The following PTPRT variants were observed in gnomAD, a reference collection of about 807,000 sequenced individuals.
PTPRT encodes protein tyrosine phosphatase receptor type T.
A neutral mutation model predicts 176.8 loss-of-function variants in PTPRT; 56 were observed. The observed-to-expected ratio is 0.32, with a 90% CI of 0.26 to 0.40. The LOEUF is 0.40. Ranked by LOEUF, PTPRT falls within the 10% of genes least tolerant of loss-of-function variation. PTPRT has a pLI of 1.00. For synonymous variants in PTPRT, 783 were observed against 739.0 expected, an observed-to-expected ratio of 1.06 and a Z score of -0.96; for missense variants, 1,540 against 1,908.2, an observed-to-expected ratio of 0.81 and a Z score of 3.60.
chr20:43,050,573 T>C (rs1243675710), intron 1 of PTPRT, among the ~76,000 whole-genome samples: 1 of 152,208 alleles, frequency 6.6e-6, no homozygotes, highest in East Asian at 1.9e-4. Context: ...AGGAAACCAG[T>C]AATGGCCTAA....
At chr20:42,542,679 T>A (rs1481375083) in intron 7 of PTPRT, among the ~76,000 whole-genome samples, 2 of 152,208 alleles carry the variant, frequency 1.3e-5, no homozygotes, top group Non-Finnish European at 2.9e-5. Context: ...TTTTTCCTAC[T>A]AATATACTCA....
chr20:42,350,714 C>G lies in PTPRT; in HGVS notation c.1779G>C (p.Glu593Asp). 1 of 1,612,952 alleles carries G rather than the reference C, an allele frequency of 6.2e-7. No homozygotes were observed. Among genetic ancestry groups the G allele is most frequent in the Non-Finnish European group, 8.5e-7 (1 of 1,178,972 alleles). Residue 593 changes from glutamate (E) to aspartate (D), a missense_variant, in exon 11 of 31, where the codon GAG (glutamate) becomes GAC (aspartate). Around this residue, in one of 11 missense-constraint regions of PTPRT, gnomAD observed 136 missense variants for 135.0 expected, o/e 1.01. Coordinates refer to ENST00000373187, the MANE Select transcript of PTPRT (RefSeq NM_007050.6). ...CATTCAATGGGGTGTCTGTGTCGTA[C>G]TCAGGCATGGATGGAGCTGGACAGG... is the stretch of plus-strand genomic sequence containing the variant. ...ATKISAPSMP[E>D]YDTDTPLNET...
At chr20:42,506,048 C>A (rs1245976076) in intron 7 of PTPRT, among the ~76,000 whole-genome samples, 1 of 152,228 alleles carries the variant, frequency 6.6e-6, no homozygotes, top group East Asian at 1.9e-4. Context: ...AAGCCATTAA[C>A]TCAGGGTTAC....
In PTPRT at chr20:42,252,604, G is replaced by A. The variant is rs530343235; in HGVS notation, c.2177-3782C>T. On this transcript the variant is annotated intron_variant, in intron 13 of 30. Transcript: ENST00000373187. ...GAGGGCATGATCAACTATGCCAAAG[G>A]CTGTTCCCAGGGTAGAATCAAGTCC... Among the ~76,000 whole-genome samples, 10 of 152,300 alleles carry A rather than the reference G, an allele frequency of 6.6e-5. No homozygotes were observed. The South Asian group carries it at 1.0e-3, about 16-fold the overall frequency.
At chr20:42,050,895 G>T in the PTPRT span, among the ~76,000 whole-genome samples, 1 of 152,168 alleles carries the variant, frequency 6.6e-6, no homozygotes, top group Admixed American at 6.5e-5. Context: ...CAGGAGCTGT[G>T]GGTTATCCAA....
At chr20:43,057,072 G>A (rs1184974517) in intron 1 of PTPRT, among the ~76,000 whole-genome samples, 1 of 151,712 alleles carries the variant, frequency 6.6e-6, no homozygotes, top group Non-Finnish European at 1.5e-5. Flanking sequence ...TTCTTGACAT[G>A]ACAAAATTGT....
intron 1 of PTPRT, among the ~76,000 whole-genome samples, chr20:43,154,711 C>G (rs888214896): frequency 3.3e-5 from 5 of 151,948 alleles, no homozygotes; most frequent in African/African-American, 1.2e-4. Flanking sequence ...GGAATTGCAT[C>G]GAACTAAAAA....
intron 17 of PTPRT, among the ~76,000 whole-genome samples, chr20:42,153,039 A>G (rs1276474145): frequency 3.3e-5 from 5 of 152,078 alleles, no homozygotes; most frequent in Admixed American, 6.5e-5. Context: ...ATCTTCTTCT[A>G]CTTTTCTCTA....
At chr20:42,516,104 T>C (rs2072061138) in intron 7 of PTPRT, among the ~76,000 whole-genome samples, 1 of 84,424 alleles carries the variant, frequency 1.2e-5, no homozygotes, top group Non-Finnish European at 2.2e-5. Flanking sequence ...GGGACTGTTG[T>C]GGGGTGGGGG....
At chr20:42,561,002 G>A (rs926597638) in intron 7 of PTPRT, among the ~76,000 whole-genome samples, 2 of 152,162 alleles carry the variant, frequency 1.3e-5, no homozygotes, top group African/African-American at 4.8e-5. Context: ...GGGAACAGAA[G>A]GTCTAGGAGG....
intron 12 of PTPRT, among the ~76,000 whole-genome samples, chr20:42,314,785 T>C (rs1386091206): frequency 6.6e-6 from 1 of 152,102 alleles, no homozygotes; most frequent in Non-Finnish European, 1.5e-5. Flanking sequence ...GAACAATGGA[T>C]AGAAACTTCA....
chr20:42,916,009 A>C (rs747071562), intron 1 of PTPRT, among the ~76,000 whole-genome samples: 41 of 151,960 alleles, frequency 2.7e-4, no homozygotes, highest in Non-Finnish European at 4.4e-4. Flanking sequence ...ACAGGTGCAC[A>C]ATGTGCAGGT....
chr20:42,915,796 G>T (rs1376900734), intron 1 of PTPRT, among the ~76,000 whole-genome samples: 1 of 150,862 alleles, frequency 6.6e-6, no homozygotes, highest in East Asian at 1.9e-4. Context: ...ACAGGGTTTT[G>T]CCATGTTGCC....
At chr20:42,934,694 T>C (rs1332347527) in intron 1 of PTPRT, among the ~76,000 whole-genome samples, 1 of 152,098 alleles carries the variant, frequency 6.6e-6, no homozygotes, top group Non-Finnish European at 1.5e-5. Context: ...CTATAGAGTG[T>C]CTCACAACAC....
intron 1 of PTPRT, among the ~76,000 whole-genome samples, chr20:42,919,333 G>A (rs1053041396): frequency 3.3e-5 from 5 of 152,170 alleles, no homozygotes; most frequent in Non-Finnish European, 5.9e-5. Context: ...TTACTCCATT[G>A]AGTATGGTTG....
intron 6 of PTPRT, among the ~76,000 whole-genome samples, chr20:42,707,388 T>C (rs36020805): frequency 0.32 from 49,366 of 151,934 alleles, 8,309 homozygotes; most frequent in African/African-American, 0.4. Context: ...CACCCTTGAC[T>C]CTAAGAAAGG....
chr20:42,482,154 G>A lies in PTPRT; in HGVS notation c.1154-9592C>T, dbSNP rs541538207. 1.2e-4 allele frequency among the ~76,000 whole-genome samples: 19 copies of A among 152,184 alleles called. No homozygotes were observed. In the South Asian group the frequency reaches 3.7e-3, roughly 30 times the overall value. On this transcript the variant is annotated intron_variant, in intron 7 of 30. Transcript: ENST00000373187. The stretch of plus-strand genomic sequence containing the variant: ...GGGAAGAGTGTGTATAGAAGGGGAC[G>A]AGAGAGGGAGAAAAGGGAGCGGGAA...
chr20:42,620,315 C>A (rs1331036456), intron 7 of PTPRT, among the ~76,000 whole-genome samples: 2 of 149,072 alleles, frequency 1.3e-5, no homozygotes, highest in South Asian at 4.2e-4. Context: ...TCTCCAGCTG[C>A]GTGCTGGGAG....
At chr20:42,853,448 C>G (rs1477921437) in intron 2 of PTPRT, among the ~76,000 whole-genome samples, 1 of 152,106 alleles carries the variant, frequency 6.6e-6, no homozygotes, top group Non-Finnish European at 1.5e-5. Flanking sequence ...GTATAACTCT[C>G]AGTCTGAGGC....
Sources: allele counts gnomAD v4.1 joint callset (sites outside exome capture counted in the v4.1 genomes callset), GRCh38; gene constraint gnomAD v4.1.1; regional missense constraint gnomAD v4.1.1; transcripts MANE v1.5; gene names NCBI Gene and HGNC (gene_info 2026-07-23, HGNC 2026-07-21).